Variants in CDK19 observed in about 807,000 individuals in gnomAD.
CDK19 encodes cyclin dependent kinase 19.
A neutral mutation model predicts 68.3 loss-of-function variants in CDK19; 20 were observed. That is an observed-to-expected ratio of 0.29 (90% CI 0.21 to 0.43). The LOEUF is 0.43. Ranked by LOEUF, CDK19 falls within the 20% of genes least tolerant of loss-of-function variation. The pLI, the probability that CDK19 is intolerant of heterozygous loss-of-function variation, is 1.00. For synonymous variants in CDK19, 221 were observed against 222.8 expected (o/e 0.99, Z 0.07); for missense variants, 339 against 623.5 (o/e 0.54, Z 4.86).
chr6:110,646,004 G>T, intron 4 of CDK19: 1 of 1,076,160 alleles, frequency 9.3e-7, no homozygotes, highest in Non-Finnish European at 1.4e-6. Flanking sequence ...ATCTGGGCAA[G>T]CAGGGTGTGC....
intron 1 of CDK19, among the ~76,000 whole-genome samples, chr6:110,770,789 A>G (rs1779961946): frequency 1.3e-5 from 2 of 152,202 alleles, no homozygotes; most frequent in African/African-American, 4.8e-5. Flanking sequence ...CACTTCCTAG[A>G]TACAATGGGG....
chr6:110,755,034 G>A (rs1778742104), intron 1 of CDK19, among the ~76,000 whole-genome samples: 1 of 144,038 alleles, frequency 6.9e-6, no homozygotes, highest in Non-Finnish European at 1.5e-5. Flanking sequence ...CCCTTCCCTT[G>A]TGAATCCTTT....
At chr6:110,648,610 C>T (rs933241705) in intron 4 of CDK19, among the ~76,000 whole-genome samples, 3 of 139,352 alleles carry the variant, frequency 2.2e-5, no homozygotes, top group East Asian at 2.2e-4. Context: ...GCACGATCTT[C>T]GCTGACTACA....
At chr6:110,632,213 C>T (rs769268410) in intron 5 of CDK19, 52 bp from the exon 6 acceptor site, 2 of 1,446,532 alleles carry the variant, frequency 1.4e-6, no homozygotes, top group South Asian at 2.4e-5. Context: ...GTTTCTCGTC[C>T]TTTTGGCTAA....
Position 110,638,647 on chromosome 6 carries a change from A to T in CDK19, c.514+2T>A. On this transcript the variant is annotated splice_donor_variant, in intron 5 of 12. Transcript: ENST00000368911. LOFTEE classifies it high-confidence loss of function. ...TAAATTATTTTAGGAATAATTACCTACCTATTTTGACTCTCCCCCTCTCAG... is the reference window on the plus strand; with the variant it reads ...TAAATTATTTTAGGAATAATTACCTTCCTATTTTGACTCTCCCCCTCTCAG... 7.0e-7 allele frequency: 1 copy of T among 1,427,848 alleles called. No homozygotes were observed. Among genetic ancestry groups the T allele is most frequent in the Non-Finnish European group, 9.9e-7 (1 of 1,014,386 alleles). 88.4% of individuals were successfully genotyped at this position (1,427,848 alleles called of 1,614,324 possible).
chr6:110,720,600 C>G (rs1775789925), intron 2 of CDK19, among the ~76,000 whole-genome samples: 3 of 152,280 alleles, frequency 2.0e-5, no homozygotes, highest in South Asian at 4.1e-4. Flanking sequence ...GCAAGGGTGG[C>G]TCATGTCTGT....
intron 9 of CDK19, 131 bp from the exon 10 acceptor site, chr6:110,623,043 A>G (rs1778814693): frequency 1.4e-6 from 1 of 697,064 alleles, no homozygotes; most frequent in African/African-American, 1.8e-5. Flanking sequence ...GATTATGCAT[A>G]CTACATACTT....
chr6:110,708,655 T>C (rs1322508192), intron 2 of CDK19, among the ~76,000 whole-genome samples: 1 of 152,188 alleles, frequency 6.6e-6, no homozygotes, highest in Non-Finnish European at 1.5e-5. Context: ...CTTTACTGTT[T>C]TCTACCAAAG....
chr6:110,634,864 T>C (rs1161535895), intron 5 of CDK19, among the ~76,000 whole-genome samples: 2 of 152,206 alleles, frequency 1.3e-5, no homozygotes, highest in Non-Finnish European at 2.9e-5. Context: ...CCTTATTCTC[T>C]ACCTCCTCAG....
At chr6:110,661,582 T>G (rs1017023530) in intron 4 of CDK19, among the ~76,000 whole-genome samples, 1 of 152,172 alleles carries the variant, frequency 6.6e-6, no homozygotes, top group African/African-American at 2.4e-5. Context: ...TTGGAGTAGC[T>G]GGGACTACAG....
chr6:110,770,159 CA>C (rs1393644955), intron 1 of CDK19, among the ~76,000 whole-genome samples: 1 of 152,122 alleles, frequency 6.6e-6, no homozygotes, highest in Non-Finnish European at 1.5e-5. Flanking sequence ...GTTGGGCACA[CA>C]GTAGAGATTT....
At chr6:110,625,204 C>A (rs1480706294) in intron 8 of CDK19, among the ~76,000 whole-genome samples, 1 of 152,150 alleles carries the variant, frequency 6.6e-6, no homozygotes, top group African/African-American at 2.4e-5. Flanking sequence ...AATGAAGGTT[C>A]TCAGTTCTCA....
At chr6:110,790,518 G>C (rs143890234) in intron 1 of CDK19, among the ~76,000 whole-genome samples, 36 of 152,184 alleles carry the variant, frequency 2.4e-4, no homozygotes, top group African/African-American at 8.2e-4. Context: ...CTGGGTGACA[G>C]AGCAAGACTC....
intron 12 of CDK19, among the ~76,000 whole-genome samples, chr6:110,617,565 CTT>C (rs1778396129): frequency 6.6e-6 from 1 of 151,648 alleles, no homozygotes; most frequent in Non-Finnish European, 1.5e-5. Flanking sequence ...AGGTGGATGA[CTT>C]GAGGTCAGGA....
intron 4 of CDK19, among the ~76,000 whole-genome samples, chr6:110,645,318 A>G (rs1780482253): frequency 6.6e-6 from 1 of 152,206 alleles, no homozygotes; most frequent in Non-Finnish European, 1.5e-5. Flanking sequence ...TAAATTACTC[A>G]GAGTAAAAGG....
rs1055522077 is a variant in CDK19 at position 110,612,351 on chromosome 6, A to C, written c.*2184T>G. 2.6e-5 allele frequency: 4 copies of C among 152,668 alleles called. No individual in the cohort carries two copies. Among genetic ancestry groups the C allele is most frequent in the African/African-American group, 9.6e-5 (4 of 41,470 alleles). 9.5% of individuals were successfully genotyped at this position (152,668 alleles called of 1,614,324 possible). On this transcript the variant is annotated 3_prime_UTR_variant, in exon 13 of 13. Coordinates refer to ENST00000368911, the MANE Select transcript of CDK19 (RefSeq NM_015076.5). Reference sequence around the variant, plus strand: ...GATATTGAATCACTGGCTTTCTCTAAGGTAGACTGACATAGAAACCCTTCC... The same window carrying C: ...GATATTGAATCACTGGCTTTCTCTACGGTAGACTGACATAGAAACCCTTCC...
intron 2 of CDK19, among the ~76,000 whole-genome samples, chr6:110,687,714 A>G (rs910677118): frequency 2.6e-4 from 40 of 151,646 alleles, no homozygotes; most frequent in African/African-American, 2.2e-4. Flanking sequence ...GATAACTTTA[A>G]TTTTTTAAAA....
intron 1 of CDK19, among the ~76,000 whole-genome samples, chr6:110,752,992 C>T (rs1254389843): frequency 1.3e-5 from 2 of 152,198 alleles, no homozygotes; most frequent in Admixed American, 6.5e-5. Flanking sequence ...GGCAGTGGTA[C>T]GACCTCAACT....
chr6:110,683,345 T>C (rs1174342395), intron 2 of CDK19, among the ~76,000 whole-genome samples: 3 of 152,072 alleles, frequency 2.0e-5, no homozygotes, highest in Non-Finnish European at 4.4e-5. Context: ...TGATAAACAG[T>C]GGCTGTTGTC....
Sources: gnomAD v4.1 joint callset for allele counts (sites outside exome capture counted in the v4.1 genomes callset) on GRCh38, gnomAD v4.1.1 for gene constraint, MANE v1.5 for transcripts, NCBI Gene and HGNC (gene_info 2026-07-23, HGNC 2026-07-21) for gene names.